MAST2: variants seen among roughly 807,000 people sequenced by gnomAD.
MAST2 encodes the protein microtubule-associated serine/threonine-protein kinase 2.
Under a neutral mutation model 147.4 loss-of-function variants are expected in MAST2, and 70 were observed. The observed-to-expected ratio is 0.47, with a 90% confidence interval of 0.39 to 0.58. The LOEUF (loss-of-function observed/expected upper bound fraction) is 0.58. Among genes scored for constraint, MAST2 ranks in the 20% least tolerant of loss-of-function variants. The probability of loss-of-function intolerance (pLI) is 0.00; values close to 1 mark genes in which losing one functional copy is unlikely to be tolerated. For synonymous variants in MAST2, 869 were observed against 896.8 expected (o/e 0.97, Z 0.55); for missense variants, 2,080 against 2,302.3 (o/e 0.90, Z 1.98).
At chr1:45,975,228 C>T (rs1391693098) in intron 5 of MAST2, among the ~76,000 whole-genome samples, 1 of 151,918 alleles carries the variant, frequency 6.6e-6, no homozygotes. Flanking sequence ...CTTGGGAGTA[C>T]AAAAGTAAAG....
chr1:45,885,870 G>A (rs904372437), intron 4 of MAST2, among the ~76,000 whole-genome samples: 3 of 152,116 alleles, frequency 2.0e-5, no homozygotes, highest in Admixed American at 6.5e-5. Context: ...TGTATGATAT[G>A]CCATATGGTA....
chr1:46,030,400 G>T, intron 21 of MAST2, 162 bp downstream of exon 21: 1 of 829,674 alleles, frequency 1.2e-6, no homozygotes, highest in Non-Finnish European at 1.9e-6. Flanking sequence ...ATATATAGGT[G>T]CTTCTAGAAC....
intron 4 of MAST2, among the ~76,000 whole-genome samples, chr1:45,892,465 G>C (rs1202347772): frequency 6.6e-6 from 1 of 152,178 alleles, no homozygotes; most frequent in Non-Finnish European, 1.5e-5. Flanking sequence ...ATACCGTTCT[G>C]TGTACCTAAT....
intron 5 of MAST2, among the ~76,000 whole-genome samples, 162 bp from the exon 6 acceptor site, chr1:45,997,562 G>T (rs892353465): frequency 2.6e-5 from 4 of 152,098 alleles, no homozygotes; most frequent in African/African-American, 9.7e-5. Flanking sequence ...AAAACCTCTG[G>T]GCTATGAAAC....
chr1:45,871,553 G>C (rs951632722), intron 3 of MAST2, among the ~76,000 whole-genome samples: 5 of 152,196 alleles, frequency 3.3e-5, no homozygotes, highest in Admixed American at 2.6e-4. Context: ...CCCTGTTTGT[G>C]CTTTCTTAAC....
At chr1:46,029,702 A>G (rs932061181) in intron 19 of MAST2, 129 bp from the exon 20 acceptor site, 15 of 1,388,296 alleles carry the variant, frequency 1.1e-5, no homozygotes, top group Non-Finnish European at 1.5e-5. Context: ...CTCTGTAGGC[A>G]GAAAAGGGAA....
At chr1:45,839,997 G>T (rs1209686468) in intron 3 of MAST2, among the ~76,000 whole-genome samples, 1 of 152,180 alleles carries the variant, frequency 6.6e-6, no homozygotes, top group East Asian at 1.9e-4. Context: ...ACAAATGTAA[G>T]AGCTTAAATC....
At chr1:45,836,715 A>C (rs923736475) in intron 3 of MAST2, among the ~76,000 whole-genome samples, 2 of 152,228 alleles carry the variant, frequency 1.3e-5, no homozygotes, top group Non-Finnish European at 1.5e-5. Context: ...ACATAGAATA[A>C]AATTCACCCG....
intron 4 of MAST2, among the ~76,000 whole-genome samples, chr1:45,889,483 G>A (rs1311824893): frequency 6.6e-6 from 1 of 152,096 alleles, no homozygotes; most frequent in African/African-American, 2.4e-5. Context: ...CTCTGCACCT[G>A]GCCTTTGGTG....
At chr1:45,909,245 GGTA>G (rs1178033611) in intron 4 of MAST2, among the ~76,000 whole-genome samples, 1 of 151,930 alleles carries the variant, frequency 6.6e-6, no homozygotes, top group Non-Finnish European at 1.5e-5. Context: ...AAAAAAGTTA[GGTA>G]TCTTTTTCTC....
chr1:45,982,062 T>G (rs1338739989), intron 5 of MAST2, among the ~76,000 whole-genome samples: 1 of 152,180 alleles, frequency 6.6e-6, no homozygotes, highest in Non-Finnish European at 1.5e-5. Flanking sequence ...TTTGCCAGAC[T>G]GGTCCCAAAC....
At chr1:45,934,172 T>C (rs957378336) in intron 4 of MAST2, among the ~76,000 whole-genome samples, 4 of 152,150 alleles carry the variant, frequency 2.6e-5, no homozygotes, top group African/African-American at 9.6e-5. Context: ...CATGGAGTAA[T>C]TGGTTTTCTG....
Position 46,035,099 on chromosome 1 carries a change from C to T in MAST2, c.4430C>T (p.Ala1477Val), listed in dbSNP as rs747540384. ...KGVLQPAPSRALGTLRQDRAE... is the reference protein window; with the variant it reads ...KGVLQPAPSRVLGTLRQDRAE... ...GTGCTGCAGCCTGCTCCCTCACGGG[C>T]CCTAGGCACCCTCCGGCAGGACCGA... Residue 1477 changes from alanine (A) to valine (V), a missense_variant, in exon 29 of 29, where the codon GCC becomes GTC. Physicochemically the swap from Ala to Val is moderately conservative, Grantham distance 64. Coordinates refer to ENST00000361297, the MANE Select transcript of MAST2 (RefSeq NM_015112.3). The surrounding 1 kb of genome is among the most constrained non-coding windows in gnomAD (Gnocchi z 5.5). The T allele has an allele frequency of 6.2e-7, 1 of 1,613,594 alleles. No homozygotes were observed. The highest frequency in any genetic ancestry group is 8.5e-7 in the Non-Finnish European group (1 of 1,179,950).
chr1:45,910,853 TGA>T lies in MAST2; in HGVS notation c.500+28459_500+28460del, dbSNP rs1487066073. 3.1e-4 allele frequency among the ~76,000 whole-genome samples: 47 copies of T among 152,362 alleles called. 1 individual carries two copies. The Middle Eastern group carries it at 0.034, about 110-fold the overall frequency. ...GTTTCACAGCCCATAAATGGCGTTC[TGA>T]TATAGTTGCCTCTCTTTTAAAGGAC... On this transcript the variant is annotated intron_variant, in intron 4 of 28. Transcript: ENST00000361297.
At chr1:46,015,046 G>T (rs1297601780) in intron 10 of MAST2, among the ~76,000 whole-genome samples, 7 of 151,438 alleles carry the variant, frequency 4.6e-5, no homozygotes, top group African/African-American at 1.7e-4. Context: ...CAACTACATG[G>T]AAACTGAACA....
At chr1:45,926,712 T>C (rs1188455284) in intron 4 of MAST2, among the ~76,000 whole-genome samples, 2 of 152,228 alleles carry the variant, frequency 1.3e-5, no homozygotes, top group Non-Finnish European at 2.9e-5. Flanking sequence ...TCAGAAGAAG[T>C]GATTCTCTTG....
chr1:45,804,105 T>G, intron 1 of MAST2, 33 bp downstream of exon 1: 1 of 1,239,606 alleles, frequency 8.1e-7, no homozygotes, highest in Non-Finnish European at 1.0e-6. Flanking sequence ...AGGGTGAACC[T>G]GAATGGAAGC....
chr1:45,941,571 T>C (rs1215278841), intron 4 of MAST2, among the ~76,000 whole-genome samples: 1 of 152,260 alleles, frequency 6.6e-6, no homozygotes, highest in Non-Finnish European at 1.5e-5. Context: ...TTAATAGTTT[T>C]TTAAAAATTT....
At chr1:45,945,765 A>G (rs1182199923) in intron 4 of MAST2, among the ~76,000 whole-genome samples, 1 of 152,246 alleles carries the variant, frequency 6.6e-6, no homozygotes, top group Non-Finnish European at 1.5e-5. Flanking sequence ...TCTCAAAGCT[A>G]CTGGTCTAGA....
Sources: gnomAD v4.1 joint callset for allele counts (sites outside exome capture counted in the v4.1 genomes callset) on GRCh38, gnomAD v4.1.1 for gene constraint, Gnocchi (gnomAD v3.1) non-coding constraint, MANE v1.5 for transcripts, NCBI Gene and HGNC (gene_info 2026-07-23, HGNC 2026-07-21) for gene names.